The following MMP16 variants were observed in gnomAD, a reference collection of about 807,000 sequenced individuals.
MMP16 encodes matrix metallopeptidase 16, also known as matrix metalloproteinase-16.
Under a neutral mutation model 67.8 loss-of-function variants are expected in MMP16, and 12 were observed. The observed-to-expected ratio is 0.18, with a 90% CI of 0.11 to 0.29. The LOEUF (loss-of-function observed/expected upper bound fraction) is 0.29. MMP16 is among the 10% of genes least tolerant of loss of function. The pLI, the probability that MMP16 is intolerant of heterozygous loss-of-function variation, is 1.00. For missense variants in MMP16, 475 were observed against 765.7 expected (o/e 0.62, Z 4.48); for synonymous variants, 249 against 255.9 (o/e 0.97, Z 0.26).
At chr8:88,226,997 TTTCTTCTTC>T (rs1196148951) in intron 1 of MMP16, among the ~76,000 whole-genome samples, 11 of 152,058 alleles carry the variant, frequency 7.2e-5, no homozygotes, top group Admixed American at 7.2e-4. Flanking sequence ...CTGGATATTG[TTTCTTCTTC>T]TTCTCACTTA....
intron 6 of MMP16, among the ~76,000 whole-genome samples, chr8:88,087,324 ATACT>A: frequency 6.6e-6 from 1 of 151,782 alleles, no homozygotes; most frequent in Non-Finnish European, 1.5e-5. Flanking sequence ...TCCTCTGGGG[ATACT>A]TACTTTAAAC....
intron 6 of MMP16, 95 bp downstream of exon 6, chr8:88,116,412 G>T: frequency 9.4e-7 from 1 of 1,058,826 alleles, no homozygotes; most frequent in Non-Finnish European, 1.4e-6. Context: ...TGAGAGGGCT[G>T]GGAAGGTAGT....
At chr8:88,198,551 A>C (rs1057008193) in intron 1 of MMP16, among the ~76,000 whole-genome samples, 5 of 152,146 alleles carry the variant, frequency 3.3e-5, no homozygotes, top group Admixed American at 6.6e-5. Flanking sequence ...TTCCCAGTGA[A>C]AATAACCAGC....
chr8:88,076,267 T>C (rs1177089350), intron 6 of MMP16, among the ~76,000 whole-genome samples: 1 of 152,186 alleles, frequency 6.6e-6, no homozygotes, highest in African/African-American at 2.4e-5. Flanking sequence ...ATTTATAGCA[T>C]GATTACTGTA....
chr8:88,172,108 G>A (rs888666388), intron 3 of MMP16, among the ~76,000 whole-genome samples: 2 of 152,084 alleles, frequency 1.3e-5, no homozygotes, highest in African/African-American at 2.4e-5. Context: ...GTGTGCCACC[G>A]TGCCCGGCCA....
intron 1 of MMP16, among the ~76,000 whole-genome samples, chr8:88,245,812 C>T (rs139346478): frequency 6.6e-6 from 1 of 152,128 alleles, no homozygotes; most frequent in Non-Finnish European, 1.5e-5. Context: ...AAAAGTGATG[C>T]ACATTCCCAA....
rs544697348 is a variant in MMP16, at chr8:88,160,111, T to C, written c.709+7558A>G. Among the ~76,000 whole-genome samples, 69 of 152,020 alleles carry C rather than the reference T, an allele frequency of 4.5e-4. 1 individual carries two copies. Among genetic ancestry groups the C allele is most frequent in the Admixed American group, 1.1e-3 (17 of 15,210 alleles). On this transcript the variant is annotated intron_variant, in intron 4 of 9. Coordinates refer to ENST00000286614, the MANE Select transcript of MMP16 (RefSeq NM_005941.5). ...GCATTAGGTATATCTCCTAATGCTA[T>C]CCCTCCCCCTTCCCCCAATCCCACA...
intron 1 of MMP16, among the ~76,000 whole-genome samples, chr8:88,219,832 T>C (rs1024358743): frequency 6.6e-6 from 1 of 152,100 alleles, no homozygotes; most frequent in African/African-American, 2.4e-5. Context: ...CCGAAGAGCT[T>C]TGAATTTTTG....
intron 1 of MMP16, among the ~76,000 whole-genome samples, chr8:88,229,746 T>C (rs189717551): frequency 4.6e-5 from 7 of 151,926 alleles, no homozygotes; most frequent in African/African-American, 1.4e-4. Flanking sequence ...TGAAGTAGAA[T>C]TGGTAAATTT....
intron 1 of MMP16, among the ~76,000 whole-genome samples, chr8:88,202,105 T>A (rs1329710809): frequency 6.6e-6 from 1 of 152,168 alleles, no homozygotes; most frequent in East Asian, 1.9e-4. Flanking sequence ...ATCCCCAGCA[T>A]GAATGGATTA....
At chr8:88,317,227 T>G (rs1009824372) in intron 1 of MMP16, among the ~76,000 whole-genome samples, 1 of 152,172 alleles carries the variant, frequency 6.6e-6, no homozygotes, top group African/African-American at 2.4e-5. Flanking sequence ...CAGTATTGCA[T>G]GCTAAGAGAA....
chr8:88,270,409 C>T (rs949393779), intron 1 of MMP16, among the ~76,000 whole-genome samples: 25 of 152,232 alleles, frequency 1.6e-4, no homozygotes, highest in Non-Finnish European at 2.8e-4. Flanking sequence ...TCTGCAATAG[C>T]GTATTCCCAC....
intron 1 of MMP16, among the ~76,000 whole-genome samples, chr8:88,288,093 C>G (rs574666413): frequency 1.3e-5 from 2 of 152,350 alleles, no homozygotes; most frequent in East Asian, 1.9e-4. Context: ...AATACTAACT[C>G]AAAGCCTCAT....
chr8:88,056,326 A>G (rs1429651086), intron 7 of MMP16, 48 bp from the exon 8 acceptor site: 1 of 1,012,678 alleles, frequency 9.9e-7, no homozygotes, highest in Non-Finnish European at 1.3e-6. Flanking sequence ...TAATGTCATA[A>G]TTAGAATATA....
intron 2 of MMP16, 123 bp downstream of exon 2, chr8:88,197,035 T>A (rs1809267246): frequency 1.1e-6 from 1 of 906,704 alleles, no homozygotes; most frequent in Non-Finnish European, 1.6e-6. Flanking sequence ...GTTATATAAT[T>A]CCAAAGAAAG....
rs1302100976 is a variant in MMP16 at position 88,036,933 on chromosome 8, T to C, written c.*4528A>G. On this transcript the variant is annotated 3_prime_UTR_variant, in exon 10 of 10. Transcript: ENST00000286614. ...AATACTACCAGTAAATAATTCCCTT[T>C]ATTAGTTTCTGGAAATGATTCCAAA... is the stretch of plus-strand genomic sequence containing the variant. The C allele has an allele frequency of 6.6e-6, 1 of 151,660 alleles. No homozygotes were observed. The highest frequency in any genetic ancestry group is 1.5e-5 in the Non-Finnish European group (1 of 67,766). The allele number at this position is 151,660 out of a possible 1,614,324, so 9.4% of individuals were successfully genotyped here.
chr8:88,231,347 G>A (rs1019908197), intron 1 of MMP16, among the ~76,000 whole-genome samples: 3 of 152,150 alleles, frequency 2.0e-5, no homozygotes, highest in African/African-American at 4.8e-5. Flanking sequence ...TCTAGTGTGT[G>A]CTGCAATTCA....
chr8:88,194,916 T>C (rs566580838), intron 2 of MMP16, among the ~76,000 whole-genome samples: 11 of 152,252 alleles, frequency 7.2e-5, no homozygotes, highest in Non-Finnish European at 1.0e-4. Flanking sequence ...TTTTAAATTA[T>C]GGGCTGCCTA....
At chr8:88,175,728 A>G (rs576347489) in intron 3 of MMP16, among the ~76,000 whole-genome samples, 3 of 152,246 alleles carry the variant, frequency 2.0e-5, no homozygotes, top group Non-Finnish European at 2.9e-5. Flanking sequence ...CCCTACCCAA[A>G]TCTCATTTTG....
Sources: allele counts gnomAD v4.1 joint callset (sites outside exome capture counted in the v4.1 genomes callset), GRCh38; gene constraint gnomAD v4.1.1; transcripts MANE v1.5; gene names NCBI Gene and HGNC (gene_info 2026-07-23, HGNC 2026-07-21).